Variants in BRINP2 observed in about 807,000 individuals in gnomAD.
The protein encoded by BRINP2 is BMP/retinoic acid inducible neural specific 2.
Under a neutral mutation model 69.2 loss-of-function variants are expected in BRINP2, and 21 were observed. The ratio of observed to expected loss-of-function variants is 0.30; its 90% confidence interval spans 0.22 to 0.44. The LOEUF is 0.44. Among genes scored for constraint, BRINP2 ranks in the 20% least tolerant of loss-of-function variants. The pLI, the probability that BRINP2 is intolerant of heterozygous loss-of-function variation, is 1.00. For synonymous variants in BRINP2, 380 were observed against 394.1 expected (o/e 0.96, Z 0.42); for missense variants, 877 against 986.0 (o/e 0.89, Z 1.48).
chr1:177,191,509 C>T (rs1020525748), intron 1 of BRINP2, among the ~76,000 whole-genome samples: 2 of 152,126 alleles, frequency 1.3e-5, no homozygotes, highest in African/African-American at 4.8e-5. Flanking sequence ...GGCTGGAGTG[C>T]AATGGCAAGA....
intron 2 of BRINP2, among the ~76,000 whole-genome samples, chr1:177,240,430 C>A (rs1410786610): frequency 6.6e-6 from 1 of 151,998 alleles, no homozygotes; most frequent in Non-Finnish European, 1.5e-5. Context: ...TTACACTGTA[C>A]CCTATAAATG....
At chr1:177,209,287 G>A (rs1228895259) in intron 1 of BRINP2, among the ~76,000 whole-genome samples, 1 of 152,100 alleles carries the variant, frequency 6.6e-6, no homozygotes, top group African/African-American at 2.4e-5. Context: ...GACAAGCACA[G>A]AAAGCATATG....
At chr1:177,178,896 A>G (rs927801287) in intron 1 of BRINP2, among the ~76,000 whole-genome samples, 1 of 152,212 alleles carries the variant, frequency 6.6e-6, no homozygotes, top group Non-Finnish European at 1.5e-5. Flanking sequence ...CATGGTTATT[A>G]TGGACATTGC....
intron 5 of BRINP2, among the ~76,000 whole-genome samples, chr1:177,274,248 G>A (rs530066576): frequency 3.0e-4 from 46 of 152,332 alleles, no homozygotes; most frequent in East Asian, 1.9e-3. Context: ...AAGGGGAGAC[G>A]TGCATCTCTT....
chr1:177,273,074 C>T lies in BRINP2; in HGVS notation c.670-414C>T, dbSNP rs77959504. ...TCTAGTGCTTTTCATCTTTAGGATC[C>T]GTAAAGTCTGTGAGTACCACATCAA... On this transcript the variant is annotated intron_variant, in intron 4 of 7. Coordinates refer to ENST00000361539, the MANE Select transcript of BRINP2 (RefSeq NM_021165.4). Among the ~76,000 whole-genome samples, 300 of 152,210 alleles carry T rather than the reference C, an allele frequency of 2.0e-3. 3 individuals are homozygous for T. The highest frequency in any genetic ancestry group is 6.7e-3 in the African/African-American group (278 of 41,524).
chr1:177,278,883 G>A (rs1318736587), intron 7 of BRINP2, 98 bp downstream of exon 7: 3 of 1,190,554 alleles, frequency 2.5e-6, no homozygotes, highest in Non-Finnish European at 2.4e-6. Context: ...GGATCAGGGA[G>A]TGGTGACTCA....
intron 4 of BRINP2, among the ~76,000 whole-genome samples, chr1:177,270,086 G>T (rs1651258259): frequency 1.5e-5 from 2 of 137,742 alleles, no homozygotes; most frequent in African/African-American, 5.2e-5. Flanking sequence ...AAGGGGTGGG[G>T]GGGGTGGTTC....
intron 6 of BRINP2, among the ~76,000 whole-genome samples, chr1:177,276,761 G>C (rs1347763369): frequency 6.6e-6 from 1 of 152,206 alleles, no homozygotes; most frequent in African/African-American, 2.4e-5. Flanking sequence ...TGCACATAAG[G>C]TTCGCTATAA....
At chr1:177,214,230 G>C (rs539775933) in intron 1 of BRINP2, among the ~76,000 whole-genome samples, 35 of 152,154 alleles carry the variant, frequency 2.3e-4, no homozygotes, top group African/African-American at 8.0e-4. Flanking sequence ...TTAGGAGTTC[G>C]AGACCAGCCT....
At chr1:177,200,293 CAAAAAAA>C (rs35619503) in intron 1 of BRINP2, among the ~76,000 whole-genome samples, 68 of 34,810 alleles carry the variant, frequency 2.0e-3, no homozygotes, top group South Asian at 0.018. Context: ...AACTCTGTCT[CAAAAAAA>C]AAAAAAAAAA....
intron 1 of BRINP2, among the ~76,000 whole-genome samples, chr1:177,204,816 G>A (rs1649024388): frequency 6.6e-6 from 1 of 152,126 alleles, no homozygotes; most frequent in East Asian, 1.9e-4. Flanking sequence ...TTTTGTGTGT[G>A]TATATAGAGT....
At chr1:177,223,510 T>A (rs1222144898) in intron 1 of BRINP2, among the ~76,000 whole-genome samples, 2 of 152,158 alleles carry the variant, frequency 1.3e-5, no homozygotes, top group African/African-American at 2.4e-5. Flanking sequence ...GATTGACTGT[T>A]TGATGAACAG....
intron 1 of BRINP2, among the ~76,000 whole-genome samples, chr1:177,229,049 T>A (rs1177253552): frequency 6.6e-6 from 1 of 152,156 alleles, no homozygotes; most frequent in South Asian, 2.1e-4. Flanking sequence ...TCAAGCTGCA[T>A]GGTGAGGTGA....
chr1:177,180,778 G>C (rs894063750), intron 1 of BRINP2, among the ~76,000 whole-genome samples: 1 of 152,122 alleles, frequency 6.6e-6, no homozygotes, highest in Non-Finnish European at 1.5e-5. Context: ...CACTGCAGAA[G>C]TTCTTTAAAA....
rs113986402 is a variant in BRINP2, at chr1:177,224,189, A to AT, written c.-76-5602dup. 2.8e-4 allele frequency among the ~76,000 whole-genome samples: 43 copies of AT among 150,918 alleles called. 1 individual carries two copies. The highest frequency in any genetic ancestry group is 4.2e-4 in the South Asian group (2 of 4,752). On this transcript the variant is annotated intron_variant, in intron 1 of 7. Coordinates refer to ENST00000361539, the MANE Select transcript of BRINP2 (RefSeq NM_021165.4). ...ACAAGAACAAATAACAATTTCTGTG[A>AT]TTTTTTTTTTAACAACTGACACCCT... is the stretch of plus-strand genomic sequence containing the variant.
At position 177,281,635 on chromosome 1, in the gene BRINP2, T is replaced by G; in HGVS notation, c.*107T>G. 1 of 1,421,926 alleles carries G rather than the reference T, an allele frequency of 7.0e-7. No homozygotes were observed. Among genetic ancestry groups the G allele is most frequent in the Admixed American group, 2.3e-5 (1 of 43,582 alleles). 88.1% of individuals were successfully genotyped at this position (1,421,926 alleles called of 1,614,324 possible). On this transcript the variant is annotated 3_prime_UTR_variant, in exon 8 of 8. Coordinates refer to ENST00000361539, the MANE Select transcript of BRINP2 (RefSeq NM_021165.4). ...CCAACAGGGTGTGCTCCCACGAGAC[T>G]TTCAGCATCCAGTAGATGGGACCTC...
At chr1:177,198,053 T>C (rs1648796007) in intron 1 of BRINP2, among the ~76,000 whole-genome samples, 1 of 152,056 alleles carries the variant, frequency 6.6e-6, no homozygotes, top group East Asian at 1.9e-4. Flanking sequence ...GCGACAGTGG[T>C]AAATTGATAA....
chr1:177,171,893 G>C (rs916018584), intron 1 of BRINP2, among the ~76,000 whole-genome samples, 161 bp downstream of exon 1: 1 of 152,160 alleles, frequency 6.6e-6, no homozygotes, highest in Non-Finnish European at 1.5e-5. Flanking sequence ...TTTCTGTCTT[G>C]TGGAGTTGAG....
chr1:177,200,381 C>T (rs553648174), intron 1 of BRINP2, among the ~76,000 whole-genome samples: 1 of 150,166 alleles, frequency 6.7e-6, no homozygotes, highest in East Asian at 2.0e-4. Flanking sequence ...CACAGTGAAC[C>T]TTCTACAGCA....
Sources: gnomAD v4.1 joint callset for allele counts (sites outside exome capture counted in the v4.1 genomes callset) on GRCh38, gnomAD v4.1.1 for gene constraint, MANE v1.5 for transcripts, NCBI Gene and HGNC (gene_info 2026-07-23, HGNC 2026-07-21) for gene names.